Variants in POLR2F observed in about 807,000 individuals in gnomAD.
POLR2F encodes DNA-directed RNA polymerases I, II, and III subunit RPABC2.
In POLR2F, 12 loss-of-function variants were observed where a neutral mutation model predicts 22.7. The observed-to-expected ratio is 0.53, with a 90% CI of 0.34 to 0.86. The LOEUF (loss-of-function observed/expected upper bound fraction) is 0.86, where lower values mean the gene tolerates loss of function less well. POLR2F is among the 40% of genes least tolerant of loss of function. The pLI is 0.02. For missense variants in POLR2F, 126 were observed against 171.5 expected, an observed-to-expected ratio of 0.73 and a Z score of 1.48; for synonymous variants, 57 against 66.0, an observed-to-expected ratio of 0.86 and a Z score of 0.66.
At chr22:37,984,729 G>A (rs1020192761), upstream of POLR2F, among the ~76,000 whole-genome samples, 2 of 152,016 alleles carry the variant, frequency 1.3e-5, no homozygotes, top group Non-Finnish European at 2.9e-5. This position sits in a 1 kb window ranked among gnomAD's most constrained non-coding sequence, Gnocchi z 4.4. Flanking sequence ...CTACTGCCCA[G>A]GCCCATCTTG....
intron 5 of POLR2F, among the ~76,000 whole-genome samples, chr22:38,036,511 AG>A (rs2085117690): frequency 6.7e-6 from 1 of 150,112 alleles, no homozygotes; most frequent in Admixed American, 6.7e-5. Flanking sequence ...CTAGAGGAGC[AG>A]GCCCATTCTT....
chr22:38,010,708 C>T (rs758418254), intron 1 of POLR2F, among the ~76,000 whole-genome samples: 6 of 150,382 alleles, frequency 4.0e-5, no homozygotes, highest in Non-Finnish European at 7.4e-5. Flanking sequence ...CCTCCGCCTC[C>T]CAGGTTCAAG....
chr22:37,979,479 AT>A (rs1932328631), intron 4 of POLR2F, among the ~76,000 whole-genome samples: 1 of 151,138 alleles, frequency 6.6e-6, no homozygotes, highest in Non-Finnish European at 1.5e-5. Context: ...CTGGGTCCTG[AT>A]TGTGTGAATT....
chr22:38,009,230 C>T (rs971460324), intron 1 of POLR2F, among the ~76,000 whole-genome samples: 2 of 152,176 alleles, frequency 1.3e-5, no homozygotes, highest in Admixed American at 1.3e-4. Context: ...GGCTCGTACT[C>T]CAAGGGCAGT....
At chr22:37,971,092 C>T (rs969185100), downstream of POLR2F, 14 of 380,930 alleles carry the variant, frequency 3.7e-5, no homozygotes, top group East Asian at 7.4e-5. Flanking sequence ...GGCTGGAGAC[C>T]GCAGATGGAA....
intron 5 of POLR2F, among the ~76,000 whole-genome samples, chr22:38,040,092 T>C (rs1195513774): frequency 6.6e-6 from 1 of 151,572 alleles, no homozygotes; most frequent in Non-Finnish European, 1.5e-5. Flanking sequence ...TTGGGCAACA[T>C]AGGGAGACTC....
chr22:38,000,133 C>T (rs1443802047), intron 1 of POLR2F, among the ~76,000 whole-genome samples: 1 of 152,230 alleles, frequency 6.6e-6, no homozygotes, highest in Non-Finnish European at 1.5e-5. Context: ...TGATGCCTCC[C>T]CTGACGGCAT....
chr22:38,009,634 A>G (rs1215211251), intron 1 of POLR2F, among the ~76,000 whole-genome samples: 1 of 152,194 alleles, frequency 6.6e-6, no homozygotes, highest in Non-Finnish European at 1.5e-5. Context: ...AAGTACATCT[A>G]CCGTCCCCAA....
At chr22:37,983,680 G>C (rs1284869913), upstream of POLR2F, 2 of 1,561,182 alleles carry the variant, frequency 1.3e-6, no homozygotes, top group Non-Finnish European at 1.7e-6. The surrounding 1 kb of genome is among the most constrained non-coding windows in gnomAD (Gnocchi z 9.5). Context: ...CGCCGCCGCC[G>C]CCGTCGGGCC....
downstream of POLR2F, chr22:37,973,935 C>T: frequency 1.2e-6 from 2 of 1,610,556 alleles, no homozygotes; most frequent in Non-Finnish European, 1.7e-6. Flanking sequence ...AGGGCACTGC[C>T]CAGCCCATAG....
intron 3 of POLR2F, 100 bp downstream of exon 3, chr22:37,959,576 T>C (rs1485170529): frequency 7.4e-7 from 1 of 1,351,626 alleles, no homozygotes; most frequent in African/African-American, 1.4e-5. Flanking sequence ...ACAGACTCTC[T>C]GCTCTCACAT....
At chr22:38,025,279 CACAA>C (rs1432977660) in intron 1 of POLR2F, among the ~76,000 whole-genome samples, 4 of 152,222 alleles carry the variant, frequency 2.6e-5, no homozygotes, top group Non-Finnish European at 4.4e-5. Flanking sequence ...TCCCACAACA[CACAA>C]ACACACACAG....
At chr22:37,967,450 C>G (rs1931901168) in intron 4 of POLR2F, 175 bp from the exon 5 acceptor site, 4 of 1,435,868 alleles carry the variant, frequency 2.8e-6, no homozygotes, top group Non-Finnish European at 3.6e-6. Context: ...CCCCTCTTGT[C>G]TGATATAAAA....
chr22:37,974,413 C>T lies in POLR2F; in HGVS notation c.293+7243C>T, dbSNP rs888212654. 3.4e-5 allele frequency among the ~76,000 whole-genome samples: 5 copies of T among 148,924 alleles called. No homozygotes were observed. The highest frequency in any genetic ancestry group is 5.9e-5 in the Non-Finnish European group (4 of 67,700). ...TGTTGCCCAGACTGGAGTGCAGTGG[C>T]GCCATCTCGGCTCACTGCAACCTCT... On this transcript the variant is annotated intron_variant, in intron 4 of 4. Transcript: ENST00000405557. The surrounding 1 kb of genome is among the most constrained non-coding windows in gnomAD (Gnocchi z 5.4).
At chr22:37,969,806 G>A (rs922162847), downstream of POLR2F, among the ~76,000 whole-genome samples, 1 of 152,154 alleles carries the variant, frequency 6.6e-6, no homozygotes, top group African/African-American at 2.4e-5. Flanking sequence ...CTAGCATAGG[G>A]TGTCTAAGAA....
rs1396179368 is a variant in POLR2F, at chr22:37,989,879, C to T, written c.120+3567C>T. On this transcript the variant is annotated intron_variant, in intron 1 of 2. Coordinates refer to the POLR2F transcript ENST00000333418. ...CTCCACCTTCCCCTGGAGCGCTGTCCTCCCTCTGCCTGCTGGCGGTCTAGG... is the reference window on the plus strand; with the variant it reads ...CTCCACCTTCCCCTGGAGCGCTGTCTTCCCTCTGCCTGCTGGCGGTCTAGG... Among the ~76,000 whole-genome samples the T allele has an allele frequency of 3.3e-5, 5 of 152,232 alleles. No individual in the cohort carries two copies. In the East Asian group the frequency reaches 7.7e-4, roughly 23 times the overall value.
rs964595466 is a variant in POLR2F, at chr22:37,980,285, A to C, written c.293+13115A>C. 3.9e-5 allele frequency among the ~76,000 whole-genome samples: 6 copies of C among 152,080 alleles called. No individual in the cohort carries two copies. The highest frequency in any genetic ancestry group is 1.4e-4 in the African/African-American group (6 of 41,384). ...CAGAGGAGAGAGCTGCTCCGCCAGCAGTGGACCCCAACAGAGGGGCTTCTG... is the reference window on the plus strand; with the variant it reads ...CAGAGGAGAGAGCTGCTCCGCCAGCCGTGGACCCCAACAGAGGGGCTTCTG... On this transcript the variant is annotated intron_variant, in intron 4 of 4. Coordinates refer to the POLR2F transcript ENST00000405557. This position sits in a 1 kb window ranked among gnomAD's most constrained non-coding sequence, Gnocchi z 4.1.
At chr22:37,994,807 A>G (rs558599140) in intron 1 of POLR2F, among the ~76,000 whole-genome samples, 1 of 151,856 alleles carries the variant, frequency 6.6e-6, no homozygotes, top group Non-Finnish European at 1.5e-5. Flanking sequence ...CACCCGGCCA[A>G]TTTTTGTATT....
downstream of POLR2F, among the ~76,000 whole-genome samples, chr22:37,971,896 T>G (rs1382918780): frequency 6.6e-6 from 1 of 151,936 alleles, no homozygotes; most frequent in African/African-American, 2.4e-5. Flanking sequence ...GTGGCCCCCC[T>G]GCAGTGTGGG....
Sources: gnomAD v4.1 joint callset for allele counts (sites outside exome capture counted in the v4.1 genomes callset) on GRCh38, gnomAD v4.1.1 for gene constraint, Gnocchi (gnomAD v3.1) non-coding constraint, MANE v1.5 for transcripts, NCBI Gene and HGNC (gene_info 2026-07-23, HGNC 2026-07-21) for gene names.